The following COX10 variants were observed in gnomAD, a reference collection of about 807,000 sequenced individuals.
COX10 encodes the protein cytochrome c oxidase assembly factor heme A:farnesyltransferase COX10.
Under a neutral mutation model 37.3 loss-of-function variants are expected in COX10, and 27 were observed. The ratio of observed to expected loss-of-function variants is 0.72; its 90% CI spans 0.53 to 1.00. COX10 has a LOEUF of 1.00. Ranked by LOEUF, COX10 falls within the 50% of genes least tolerant of loss-of-function variation. The pLI, the probability that COX10 is intolerant of heterozygous loss-of-function variation, is 0.00. For synonymous variants in COX10, 222 were observed against 229.1 expected (o/e 0.97, Z 0.28); for missense variants, 475 against 563.2 (o/e 0.84, Z 1.59).
intron 3 of COX10, among the ~76,000 whole-genome samples, chr17:14,079,184 T>A (rs1416518778): frequency 2.6e-5 from 4 of 152,232 alleles, no homozygotes; most frequent in Admixed American, 2.6e-4. Context: ...AAATAATTAA[T>A]GCATATAAAG....
intron 3 of COX10, among the ~76,000 whole-genome samples, chr17:14,081,793 G>A (rs1251904218): frequency 2.0e-5 from 3 of 152,100 alleles, no homozygotes; most frequent in Admixed American, 6.6e-5. Flanking sequence ...TTTAATACCT[G>A]GCTGCCCCCA....
intron 4 of COX10, among the ~76,000 whole-genome samples, chr17:14,141,309 G>A (rs1232687198): frequency 6.6e-6 from 1 of 151,976 alleles, no homozygotes; most frequent in South Asian, 2.1e-4. Context: ...GGAGGACGAG[G>A]TGGGCAGATT....
chr17:14,072,843 A>G (rs966922247), intron 1 of COX10, among the ~76,000 whole-genome samples: 8 of 152,184 alleles, frequency 5.3e-5, no homozygotes, highest in African/African-American at 1.7e-4. Context: ...TATTATATAA[A>G]AGTGCTCTGC....
chr17:14,157,468 C>T (rs139815464), intron 4 of COX10, among the ~76,000 whole-genome samples: 1,850 of 152,302 alleles, frequency 0.012, 13 homozygotes, highest in Middle Eastern at 0.044. Context: ...AGAATAATTG[C>T]ACACATATGC....
intron 3 of COX10, among the ~76,000 whole-genome samples, chr17:14,083,092 C>T (rs568017912): frequency 6.6e-5 from 10 of 152,292 alleles, no homozygotes; most frequent in Admixed American, 3.3e-4. Context: ...CAAAGCAAGA[C>T]GGATGCACCA....
At chr17:14,168,145 A>G (rs755996081) in intron 5 of COX10, among the ~76,000 whole-genome samples, 1 of 152,256 alleles carries the variant, frequency 6.6e-6, no homozygotes, top group Non-Finnish European at 1.5e-5. Flanking sequence ...TGGCCAAAAC[A>G]GAGGGGCTAC....
chr17:14,105,717 C>T (rs1388696741), intron 4 of COX10, among the ~76,000 whole-genome samples: 1 of 151,966 alleles, frequency 6.6e-6, no homozygotes, highest in East Asian at 1.9e-4. Flanking sequence ...TTTACTTTTC[C>T]TTTATGCCGG....
At chr17:14,167,440 T>G (rs1905324278) in intron 5 of COX10, among the ~76,000 whole-genome samples, 1 of 152,220 alleles carries the variant, frequency 6.6e-6, no homozygotes, top group South Asian at 2.1e-4. Flanking sequence ...AGTTCTACTG[T>G]GGGTAAAATG....
At chr17:14,124,272 T>C (rs895889868) in intron 4 of COX10, among the ~76,000 whole-genome samples, 9 of 152,178 alleles carry the variant, frequency 5.9e-5, no homozygotes, top group African/African-American at 2.2e-4. Flanking sequence ...GTAAGCCAAA[T>C]AGAGAGATTT....
At chr17:14,083,831 T>C (rs1382071884) in intron 3 of COX10, among the ~76,000 whole-genome samples, 2 of 152,244 alleles carry the variant, frequency 1.3e-5, no homozygotes, top group Non-Finnish European at 2.9e-5. Context: ...AAATTTTATT[T>C]GGATTAGGAT....
chr17:14,200,868 AT>A (rs746091251), intron 6 of COX10, among the ~76,000 whole-genome samples: 7 of 152,226 alleles, frequency 4.6e-5, no homozygotes, highest in Non-Finnish European at 7.3e-5. Context: ...TCAGAGACCA[AT>A]TTTAGATCTC....
At chr17:14,148,944 A>G (rs979829519) in intron 4 of COX10, among the ~76,000 whole-genome samples, 14 of 148,236 alleles carry the variant, frequency 9.4e-5, no homozygotes, top group Non-Finnish European at 1.5e-4. Context: ...GTAATTATAT[A>G]TACTATATTA....
At chr17:14,204,535 A>G (rs931624828) in intron 6 of COX10, among the ~76,000 whole-genome samples, 1 of 151,958 alleles carries the variant, frequency 6.6e-6, no homozygotes, top group Non-Finnish European at 1.5e-5. Context: ...TTCCAAATTT[A>G]TCTTCTTTGC....
intron 5 of COX10, among the ~76,000 whole-genome samples, chr17:14,164,323 AGGTTTGTCTGC>A (rs1905232095): frequency 6.6e-6 from 1 of 152,104 alleles, no homozygotes; most frequent in South Asian, 2.1e-4. Context: ...TTTATGAATA[AGGTTTGTCTGC>A]TTCTAACTGT....
At chr17:14,078,209 T>C (rs954055561) in intron 3 of COX10, among the ~76,000 whole-genome samples, 9 of 152,170 alleles carry the variant, frequency 5.9e-5, no homozygotes, top group Non-Finnish European at 8.8e-5. Flanking sequence ...AAAGAAACTC[T>C]CTTTTGTCAT....
intron 3 of COX10, among the ~76,000 whole-genome samples, chr17:14,085,175 A>G (rs917653082): frequency 1.3e-5 from 2 of 152,092 alleles, no homozygotes; most frequent in Admixed American, 6.5e-5. Flanking sequence ...TGAAAGGATT[A>G]TTGTGATGAT....
At chr17:14,113,374 T>G (rs1394337503) in intron 4 of COX10, among the ~76,000 whole-genome samples, 1 of 152,112 alleles carries the variant, frequency 6.6e-6, no homozygotes, top group African/African-American at 2.4e-5. Flanking sequence ...GTTGAACTTG[T>G]CTTGACTCCT....
At chr17:14,106,033 G>C (rs1184219936) in intron 4 of COX10, among the ~76,000 whole-genome samples, 2 of 151,568 alleles carry the variant, frequency 1.3e-5, no homozygotes, top group African/African-American at 4.9e-5. Context: ...TTTTTTTTGA[G>C]GTAGGGTTTC....
intron 3 of COX10, among the ~76,000 whole-genome samples, chr17:14,089,675 C>T (rs1915481955): frequency 6.6e-6 from 1 of 152,194 alleles, no homozygotes; most frequent in South Asian, 2.1e-4. Context: ...TCTTCTTTAT[C>T]CAAGATTCTA....
Sources: allele counts gnomAD v4.1 joint callset (sites outside exome capture counted in the v4.1 genomes callset), GRCh38; gene constraint gnomAD v4.1.1; transcripts MANE v1.5; gene names NCBI Gene and HGNC (gene_info 2026-07-23, HGNC 2026-07-21).